The following SPECC1L variants were observed in gnomAD, a reference collection of about 807,000 sequenced individuals.
SPECC1L encodes the protein cytospin-A.
In SPECC1L, 40 loss-of-function variants were observed where a neutral mutation model predicts 116.8. The ratio of observed to expected loss-of-function variants is 0.34; its 90% CI spans 0.27 to 0.45. SPECC1L has a LOEUF of 0.45. Among genes scored for constraint, SPECC1L ranks in the 20% least tolerant of loss-of-function variants. The pLI is 1.00. For synonymous variants in SPECC1L, 504 were observed against 500.6 expected (o/e 1.01, Z -0.09); for missense variants, 1,110 against 1,373.6 (o/e 0.81, Z 3.03).
intron 13 of SPECC1L, among the ~76,000 whole-genome samples, chr22:24,368,633 A>G (rs556376333): frequency 4.6e-5 from 7 of 152,156 alleles, no homozygotes; most frequent in Non-Finnish European, 1.0e-4. Context: ...GGTAAAGGAC[A>G]TAAACGGTTA....
Position 24,317,016 on chromosome 22 carries a change from G to A in SPECC1L, c.307+3550G>A, listed in dbSNP as rs1270248844. On this transcript the variant is annotated intron_variant, in intron 4 of 16. Coordinates refer to ENST00000314328, the MANE Select transcript of SPECC1L (RefSeq NM_015330.6). ...AGGCGCCCCTCACCTCCTGGACGGG[G>A]CGGCTGGCCGGGCGGGGGGCTGACC... 5.7e-5 allele frequency among the ~76,000 whole-genome samples: 7 copies of A among 122,012 alleles called. 1 individual carries two copies. Among genetic ancestry groups the A allele is most frequent in the Non-Finnish European group, 3.7e-5 (2 of 54,592 alleles). The allele number at this position is 122,012 out of a possible 152,430, so 80.0% of individuals were successfully genotyped here.
At chr22:24,310,464 G>A (rs943844558) in intron 3 of SPECC1L, among the ~76,000 whole-genome samples, 5 of 152,202 alleles carry the variant, frequency 3.3e-5, no homozygotes, top group African/African-American at 9.6e-5. Flanking sequence ...ATGTCAAGGT[G>A]CATCCCATCA....
chr22:24,377,963 A>C (rs887516455), intron 14 of SPECC1L, among the ~76,000 whole-genome samples: 1 of 152,222 alleles, frequency 6.6e-6, no homozygotes, highest in Non-Finnish European at 1.5e-5. Context: ...GGCCCTAATG[A>C]GAGAGACAGC....
At chr22:24,390,881 T>TTTTTTTTTTTTTTTTTTC (rs2042257844) in intron 14 of SPECC1L, among the ~76,000 whole-genome samples, 1 of 119,200 alleles carries the variant, frequency 8.4e-6, no homozygotes, top group African/African-American at 3.3e-5. Flanking sequence ...TCTTTTTTTT[T>TTTTTTTTTTTTTTTTTTC]TTTTTTTTTT....
chr22:24,304,226 C>T (rs1247053393), intron 3 of SPECC1L, among the ~76,000 whole-genome samples: 1 of 152,136 alleles, frequency 6.6e-6, no homozygotes, highest in Non-Finnish European at 1.5e-5. Context: ...TGTGCACACA[C>T]CCATTCATTT....
At chr22:24,408,880 G>A (rs1569450927) in intron 14 of SPECC1L, among the ~76,000 whole-genome samples, 3 of 152,236 alleles carry the variant, frequency 2.0e-5, no homozygotes, top group Non-Finnish European at 2.9e-5. Context: ...CACGTGGTCT[G>A]CTGCTGTGTA....
intron 12 of SPECC1L, among the ~76,000 whole-genome samples, chr22:24,363,793 T>C (rs1358510025): frequency 6.6e-6 from 1 of 152,006 alleles, no homozygotes; most frequent in East Asian, 1.9e-4. Flanking sequence ...TTAAAGATCA[T>C]ATAACAGGAG....
intron 16 of SPECC1L, among the ~76,000 whole-genome samples, chr22:24,413,871 A>T (rs2042750546): frequency 6.6e-6 from 1 of 151,860 alleles, no homozygotes; most frequent in Non-Finnish European, 1.5e-5. Context: ...GAAGGGAAGG[A>T]TCTCTCAGGC....
At chr22:24,317,685 C>T (rs1308040795) in intron 4 of SPECC1L, among the ~76,000 whole-genome samples, 8 of 151,998 alleles carry the variant, frequency 5.3e-5, no homozygotes, top group Non-Finnish European at 7.4e-5. Flanking sequence ...CCCTCCTGGA[C>T]GGGGTGGCTG....
intron 10 of SPECC1L, 88 bp downstream of exon 10, chr22:24,338,565 G>A (rs561439715): frequency 5.0e-4 from 588 of 1,185,320 alleles, no homozygotes; most frequent in Non-Finnish European, 6.6e-4. Flanking sequence ...ACCTGTATTA[G>A]TTGGGTAAAT....
intron 11 of SPECC1L, among the ~76,000 whole-genome samples, chr22:24,360,728 GTTC>G (rs1169828517): frequency 6.6e-6 from 1 of 152,168 alleles, no homozygotes; most frequent in Non-Finnish European, 1.5e-5. Context: ...AGCTTGCTGT[GTTC>G]TTCTTTGGGA....
At chr22:24,361,890 GA>G (rs976451259) in intron 11 of SPECC1L, among the ~76,000 whole-genome samples, 1 of 151,912 alleles carries the variant, frequency 6.6e-6, no homozygotes, top group Non-Finnish European at 1.5e-5. Context: ...GGAAAAAGAA[GA>G]AAAAAGAAGA....
At chr22:24,299,458 T>G (rs2049332517) in intron 2 of SPECC1L, among the ~76,000 whole-genome samples, 1 of 151,772 alleles carries the variant, frequency 6.6e-6, no homozygotes, top group Non-Finnish European at 1.5e-5. Flanking sequence ...GAACAGGGGG[T>G]ATTTGGGTCT....
At chr22:24,284,193 A>G (rs533468795) in intron 2 of SPECC1L, among the ~76,000 whole-genome samples, 16 of 152,156 alleles carry the variant, frequency 1.1e-4, no homozygotes, top group African/African-American at 3.1e-4. Context: ...CTTTTCCAAC[A>G]TAGGTGTTTA....
rs888617203 is a variant in SPECC1L, at chr22:24,366,130, A to G, written c.2984+498A>G. ...GATACAGAAGGCCAGAAGAAGGTGT[A>G]CCTACCATATCAAGGAACAGTAGAA... On this transcript the variant is annotated intron_variant, in intron 13 of 16. Coordinates refer to ENST00000314328, the MANE Select transcript of SPECC1L (RefSeq NM_015330.6). 9.9e-5 allele frequency among the ~76,000 whole-genome samples: 15 copies of G among 151,988 alleles called. No homozygotes were observed. In the South Asian group the frequency reaches 3.1e-3, roughly 32 times the overall value.
At chr22:24,407,792 C>T (rs1339942478) in intron 14 of SPECC1L, among the ~76,000 whole-genome samples, 1 of 152,098 alleles carries the variant, frequency 6.6e-6, no homozygotes, top group African/African-American at 2.4e-5. Context: ...TTGTAGTGGG[C>T]CCTGCAAATT....
chr22:24,278,258 G>A (rs2048875268), intron 2 of SPECC1L, among the ~76,000 whole-genome samples: 1 of 152,200 alleles, frequency 6.6e-6, no homozygotes. Flanking sequence ...CTACATGGGA[G>A]GCTGAGGTGG....
chr22:24,382,477 G>T (rs2042079723), intron 14 of SPECC1L, among the ~76,000 whole-genome samples: 1 of 152,114 alleles, frequency 6.6e-6, no homozygotes, highest in Non-Finnish European at 1.5e-5. Flanking sequence ...GGCCGAGGCA[G>T]GCGGATCATG....
At chr22:24,404,931 C>T (rs1443806807) in intron 14 of SPECC1L, among the ~76,000 whole-genome samples, 1 of 152,166 alleles carries the variant, frequency 6.6e-6, no homozygotes, top group Non-Finnish European at 1.5e-5. Context: ...ATGCTGGGGC[C>T]ACAGATTTTA....
Sources: allele counts gnomAD v4.1 joint callset (sites outside exome capture counted in the v4.1 genomes callset), GRCh38; gene constraint gnomAD v4.1.1; transcripts MANE v1.5; gene names NCBI Gene and HGNC (gene_info 2026-07-23, HGNC 2026-07-21).